FIP1L1: variants seen among roughly 807,000 people sequenced by gnomAD.
FIP1L1 encodes the protein pre-mRNA 3'-end-processing factor FIP1.
Under a neutral mutation model 84.6 loss-of-function variants are expected in FIP1L1, and 21 were observed. The observed-to-expected ratio is 0.25, with a 90% CI of 0.18 to 0.36. The LOEUF (loss-of-function observed/expected upper bound fraction) is 0.36. Among genes scored for constraint, FIP1L1 ranks in the 10% least tolerant of loss-of-function variants. The pLI is 1.00. For missense variants in FIP1L1, 526 were observed against 751.1 expected (o/e 0.70, Z 3.50); for synonymous variants, 263 against 242.3 (o/e 1.09, Z -0.80).
intron 11 of FIP1L1, among the ~76,000 whole-genome samples, chr4:53,418,504 C>G (rs1475055372): frequency 6.6e-6 from 1 of 152,076 alleles, no homozygotes; most frequent in African/African-American, 2.4e-5. Context: ...TTTATAAAAT[C>G]AAATTTTTAA....
intron 15 of FIP1L1, among the ~76,000 whole-genome samples, chr4:53,449,139 A>G (rs1283977047): frequency 6.6e-6 from 1 of 151,862 alleles, no homozygotes; most frequent in Non-Finnish European, 1.5e-5. Flanking sequence ...CCTCCATTAT[A>G]ATATTATATA....
chr4:53,389,932 T>A, intron 6 of FIP1L1, 59 bp downstream of exon 6: 1 of 1,305,518 alleles, frequency 7.7e-7, no homozygotes, highest in Non-Finnish European at 1.1e-6. Flanking sequence ...CTTAAATAGG[T>A]CTTAATAGCT....
chr4:53,443,566 CTA>C (rs1341731034), intron 14 of FIP1L1, among the ~76,000 whole-genome samples: 1 of 152,066 alleles, frequency 6.6e-6, no homozygotes, highest in Non-Finnish European at 1.5e-5. Flanking sequence ...TCAGAGGAAA[CTA>C]TAAAATCAAG....
chr4:53,423,645 A>G (rs182571276), intron 11 of FIP1L1, among the ~76,000 whole-genome samples: 3 of 152,278 alleles, frequency 2.0e-5, no homozygotes, highest in African/African-American at 7.2e-5. Context: ...AATTTATATG[A>G]TTAAAGTAAA....
At chr4:53,425,592 C>T (rs1764008721) in intron 11 of FIP1L1, among the ~76,000 whole-genome samples, 1 of 152,004 alleles carries the variant, frequency 6.6e-6, no homozygotes, top group Non-Finnish European at 1.5e-5. Context: ...TATTTGGAGA[C>T]TACTAAAACT....
chr4:53,428,715 C>G (rs1404576370), intron 13 of FIP1L1, among the ~76,000 whole-genome samples: 1 of 152,164 alleles, frequency 6.6e-6, no homozygotes, highest in Non-Finnish European at 1.5e-5. Flanking sequence ...CAATTAAAAA[C>G]CAGGTTAGTG....
intron 4 of FIP1L1, 43 bp downstream of exon 4, chr4:53,382,378 A>G (rs1360987027): frequency 1.4e-6 from 2 of 1,479,702 alleles, no homozygotes; most frequent in Non-Finnish European, 1.9e-6. Context: ...ACAAATCTTT[A>G]TCAATAGCTT....
chr4:53,447,583 T>C (rs1774752292), intron 15 of FIP1L1, among the ~76,000 whole-genome samples: 1 of 152,172 alleles, frequency 6.6e-6, no homozygotes, highest in Admixed American at 6.5e-5. Flanking sequence ...GTAAATATTG[T>C]GCACTGCAGA....
rs188045636 is a variant in FIP1L1, at chr4:53,420,018, A to T, written c.923+5296A>T. 2.1e-3 allele frequency among the ~76,000 whole-genome samples: 322 copies of T among 151,710 alleles called. 1 individual carries two copies. Among genetic ancestry groups the T allele is most frequent in the African/African-American group, 7.5e-3 (309 of 41,390 alleles). On this transcript the variant is annotated intron_variant, in intron 11 of 17. Coordinates refer to ENST00000337488, the MANE Select transcript of FIP1L1 (RefSeq NM_030917.4). The stretch of plus-strand genomic sequence containing the variant: ...GGTCAGGAGATCGAGACCACGGTGC[A>T]ACCCCGTCTCTACTAAAAATACAAT...
chr4:53,434,833 G>A (rs1278110735), intron 13 of FIP1L1, among the ~76,000 whole-genome samples: 1 of 152,120 alleles, frequency 6.6e-6, no homozygotes, highest in South Asian at 2.1e-4. Context: ...AGGGACCTCC[G>A]GGAATTCCTG....
rs564010481 is a variant in FIP1L1 at position 53,428,365 on chromosome 4, G to C, written c.1174+182G>C. 6.8e-5 allele frequency: 36 copies of C among 531,864 alleles called. No individual in the cohort carries two copies. In the South Asian group the frequency reaches 2.4e-3, roughly 35 times the overall value. 32.9% of individuals were successfully genotyped at this position (531,864 alleles called of 1,614,324 possible). On this transcript the variant is annotated intron_variant, in intron 13 of 17. Coordinates refer to ENST00000337488, the MANE Select transcript of FIP1L1 (RefSeq NM_030917.4). ...TTTATTGCTATTTCAATATAGGAAA[G>C]AGACAATGTTCTAAAATTAAGAAGA... is the stretch of plus-strand genomic sequence containing the variant.
chr4:53,413,074 T>TTA (rs1405397578), intron 10 of FIP1L1, among the ~76,000 whole-genome samples: 4 of 152,182 alleles, frequency 2.6e-5, no homozygotes, highest in Non-Finnish European at 5.9e-5. Flanking sequence ...TATGTATGAT[T>TTA]TATATATACT....
chr4:53,450,034 A>T (rs1775758521), intron 15 of FIP1L1, among the ~76,000 whole-genome samples: 2 of 151,862 alleles, frequency 1.3e-5, no homozygotes, highest in African/African-American at 2.4e-5. Context: ...ACCAACTTTC[A>T]GTTTTTTTCC....
intron 16 of FIP1L1, among the ~76,000 whole-genome samples, chr4:53,454,538 AG>A (rs1031759919): frequency 6.6e-6 from 1 of 152,224 alleles, no homozygotes; most frequent in Non-Finnish European, 1.5e-5. Context: ...TACTATTGTT[AG>A]GAAAAAACAG....
rs1055771344 is a variant in FIP1L1, at chr4:53,452,821, A to G, written c.1286-99A>G. Reference sequence around the variant, plus strand: ...TGTGATATTTCTCTTTTCTATTTATAAAATGAATTTCTATTATAATCTCAT... The same window carrying G: ...TGTGATATTTCTCTTTTCTATTTATGAAATGAATTTCTATTATAATCTCAT... On this transcript the variant is annotated intron_variant, in intron 15 of 17. Coordinates refer to ENST00000337488, the MANE Select transcript of FIP1L1 (RefSeq NM_030917.4). 3.0e-5 allele frequency: 25 copies of G among 831,224 alleles called. No homozygotes were observed. In the Admixed American group the frequency reaches 3.2e-4, roughly 11 times the overall value. 51.5% of individuals were successfully genotyped at this position (831,224 alleles called of 1,614,324 possible). A position where few individuals can be genotyped will look rare whatever the true frequency, so the allele number is the denominator to read the frequency against.
intron 10 of FIP1L1, among the ~76,000 whole-genome samples, chr4:53,407,961 G>A (rs1407153971): frequency 3.9e-5 from 6 of 152,180 alleles, no homozygotes; most frequent in Non-Finnish European, 5.9e-5. Context: ...TTGCCAGTCT[G>A]TGTCTTTTAA....
chr4:53,408,165 C>T (rs1023815566), intron 10 of FIP1L1, among the ~76,000 whole-genome samples: 1 of 152,162 alleles, frequency 6.6e-6, no homozygotes, highest in Non-Finnish European at 1.5e-5. Context: ...GTGCTTCCTT[C>T]AGGAGCTCTT....
rs144462929 is a variant in FIP1L1, at chr4:53,435,856, G to A, written c.1175-6797G>A. On this transcript the variant is annotated intron_variant, in intron 13 of 17. Coordinates refer to ENST00000337488, the MANE Select transcript of FIP1L1 (RefSeq NM_030917.4). Reference sequence around the variant, plus strand: ...GTGTGCGTATGTTTTTGTTTGTGTTGAATTTTTAAAATCCTGATACATAGA... The same window carrying A: ...GTGTGCGTATGTTTTTGTTTGTGTTAAATTTTTAAAATCCTGATACATAGA... Among the ~76,000 whole-genome samples the A allele has an allele frequency of 5.7e-3, 862 of 152,188 alleles. 3 individuals are homozygous for A. Among genetic ancestry groups the A allele is most frequent in the Admixed American group, 9.2e-3 (141 of 15,296 alleles).
chr4:53,416,349 G>C (rs760453469), intron 11 of FIP1L1, among the ~76,000 whole-genome samples: 13 of 152,126 alleles, frequency 8.5e-5, no homozygotes, highest in Non-Finnish European at 1.8e-4. Context: ...TATTGGACTT[G>C]GATTTTAGGT....
Sources: gnomAD v4.1 joint callset for allele counts (sites outside exome capture counted in the v4.1 genomes callset) on GRCh38, gnomAD v4.1.1 for gene constraint, MANE v1.5 for transcripts, NCBI Gene and HGNC (gene_info 2026-07-23, HGNC 2026-07-21) for gene names.